TMCO5A: variants seen among roughly 807,000 people sequenced by gnomAD.
The protein encoded by TMCO5A is transmembrane and coiled-coil domain-containing protein 5A.
A neutral mutation model predicts 42.3 loss-of-function variants in TMCO5A; 34 were observed. The ratio of observed to expected loss-of-function variants is 0.80; its 90% CI spans 0.61 to 1.07. The LOEUF (loss-of-function observed/expected upper bound fraction) is 1.07, where lower values mean the gene tolerates loss of function less well. Among genes scored for constraint, TMCO5A ranks in the 50% least tolerant of loss-of-function variants. The probability of loss-of-function intolerance (pLI) is 0.00; values close to 1 mark genes in which losing one functional copy is unlikely to be tolerated. For missense variants in TMCO5A, 357 were observed against 327.9 expected (o/e 1.09, Z -0.69); for synonymous variants, 131 against 115.6 (o/e 1.13, Z -0.86).
rs112749447 is a variant in TMCO5A, at chr15:37,950,035, T to C, written c.669-1001T>C. On this transcript the variant is annotated intron_variant, in intron 11 of 11. Transcript: ENST00000319669. ...AGACCCTTCCATAAGGCCGCTTGAGTGTCCTCACAACATGACTGCTGTCTT... is the reference window on the plus strand; with the variant it reads ...AGACCCTTCCATAAGGCCGCTTGAGCGTCCTCACAACATGACTGCTGTCTT... Among the ~76,000 whole-genome samples the C allele has an allele frequency of 2.2e-3, 337 of 152,290 alleles. 1 individual carries two copies. The highest frequency in any genetic ancestry group is 7.5e-3 in the African/African-American group (310 of 41,582).
rs79838179 is a variant in TMCO5A, at chr15:37,941,806, C to A, written c.504+76C>A. The A allele has an allele frequency of 3.7e-3, 4,764 of 1,301,784 alleles. 142 individuals are homozygous for A. In the African/African-American group the frequency reaches 0.058, roughly 16 times the overall value. 80.6% of individuals were successfully genotyped at this position (1,301,784 alleles called of 1,614,324 possible). On this transcript the variant is annotated intron_variant, in intron 8 of 11. Transcript: ENST00000319669. Reference sequence around the variant, plus strand: ...GAAATAGAACAAGGATTTTCAAAGACTACTGTCCAGAGCAATTTCAACAGT... The same window carrying A: ...GAAATAGAACAAGGATTTTCAAAGAATACTGTCCAGAGCAATTTCAACAGT...
downstream of TMCO5A, among the ~76,000 whole-genome samples, chr15:37,952,496 A>G (rs945200641): frequency 3.9e-5 from 6 of 152,242 alleles, no homozygotes; most frequent in African/African-American, 1.4e-4. Flanking sequence ...TACTTTGAAG[A>G]GGACTCAGTC....
the TMCO5A span, among the ~76,000 whole-genome samples, chr15:37,996,671 A>G: frequency 1.3e-5 from 2 of 152,196 alleles, no homozygotes; most frequent in Non-Finnish European, 2.9e-5. Context: ...AGCACTCTCA[A>G]CTTTAGAAAG....
chr15:37,972,976 G>C, the TMCO5A span, among the ~76,000 whole-genome samples: 1 of 152,120 alleles, frequency 6.6e-6, no homozygotes, highest in Admixed American at 6.5e-5. Flanking sequence ...AAGGAGTTCA[G>C]TTTTAATCTT....
the TMCO5A span, among the ~76,000 whole-genome samples, chr15:38,012,126 A>AAAAAAAAAAAG: frequency 0.18 from 27,413 of 150,048 alleles, 2,733 homozygotes; most frequent in Middle Eastern, 0.3. Context: ...TCCGTCTCAA[A>AAAAAAAAAAAG]AAAAAAAGAA....
chr15:38,009,306 A>G, the TMCO5A span, among the ~76,000 whole-genome samples: 10 of 152,214 alleles, frequency 6.6e-5, no homozygotes, highest in African/African-American at 2.4e-4. Context: ...TGCTCAAAGC[A>G]ATCAGTTCCC....
At chr15:38,005,395 C>CAA in the TMCO5A span, among the ~76,000 whole-genome samples, 596 of 44,020 alleles carry the variant, frequency 0.014, 65 homozygotes, top group African/African-American at 0.047. Flanking sequence ...CCATCTCTAC[C>CAA]AAAAAAAAAA....
chr15:38,031,039 T>C, the TMCO5A span, among the ~76,000 whole-genome samples: 1 of 152,156 alleles, frequency 6.6e-6, no homozygotes. Flanking sequence ...TCACATCCAA[T>C]ACATATCCTG....
chr15:37,941,036 T>A (rs894799667), intron 6 of TMCO5A, 113 bp from the exon 7 acceptor site: 61 of 889,150 alleles, frequency 6.9e-5, no homozygotes, highest in Non-Finnish European at 9.2e-5. Context: ...AGGAGACGTG[T>A]GAAGTCATGG....
the TMCO5A span, among the ~76,000 whole-genome samples, chr15:38,016,240 A>G: frequency 8.6e-4 from 131 of 152,308 alleles, no homozygotes; most frequent in Middle Eastern, 0.02. Context: ...AATAAAGTCT[A>G]TTTTTTAATG....
chr15:37,949,107 T>A (rs1210392221), intron 11 of TMCO5A, among the ~76,000 whole-genome samples: 1 of 151,810 alleles, frequency 6.6e-6, no homozygotes, highest in Non-Finnish European at 1.5e-5. Context: ...ATGCAATTCA[T>A]ATTAAAGCCA....
the TMCO5A span, among the ~76,000 whole-genome samples, chr15:38,008,117 G>A: frequency 9.2e-5 from 14 of 151,516 alleles, no homozygotes; most frequent in South Asian, 4.2e-4. Context: ...GGATGGTCTC[G>A]ATCTCCTGAC....
chr15:38,012,478 C>A, the TMCO5A span, among the ~76,000 whole-genome samples: 15 of 152,048 alleles, frequency 9.9e-5, no homozygotes, highest in Admixed American at 3.9e-4. Context: ...GTTAAGGACA[C>A]AGTTGATGTT....
chr15:38,006,377 G>C, the TMCO5A span, among the ~76,000 whole-genome samples: 3 of 152,174 alleles, frequency 2.0e-5, no homozygotes, highest in Non-Finnish European at 4.4e-5. Context: ...GGGAGTTAGA[G>C]AAATGAGGTG....
chr15:38,005,850 C>A, the TMCO5A span, among the ~76,000 whole-genome samples: 1 of 152,336 alleles, frequency 6.6e-6, no homozygotes, highest in South Asian at 2.1e-4. Context: ...AGCAGGGATG[C>A]AGCCTTAAGT....
At chr15:37,958,884 G>GATACACTGGATAAAGAAAATGTGGCACAT (rs1890355702) in intron 11 of TMCO5A, among the ~76,000 whole-genome samples, 1 of 152,030 alleles carries the variant, frequency 6.6e-6, no homozygotes, top group Non-Finnish European at 1.5e-5. Context: ...GCTCATCAAT[G>GATACACTGGATAAAGAAAATGTGGCACAT]ATACACTGGA....
the TMCO5A span, among the ~76,000 whole-genome samples, chr15:38,011,598 C>T: frequency 6.6e-6 from 1 of 152,142 alleles, no homozygotes. Flanking sequence ...CACCTGCTGA[C>T]CTTTTTTTTG....
chr15:37,954,771 TAAATAG>T (rs1191249892), downstream of TMCO5A, among the ~76,000 whole-genome samples: 1 of 151,982 alleles, frequency 6.6e-6, no homozygotes, highest in Non-Finnish European at 1.5e-5. Context: ...TAATAAAATA[TAAATAG>T]AAACAACAAG....
the TMCO5A span, among the ~76,000 whole-genome samples, chr15:38,033,543 CTAT>C: frequency 1.3e-5 from 2 of 148,962 alleles, no homozygotes; most frequent in Non-Finnish European, 3.0e-5. Context: ...CAAAAAGGCA[CTAT>C]ATTTCTCCCT....
Sources: gnomAD v4.1 joint callset for allele counts (sites outside exome capture counted in the v4.1 genomes callset) on GRCh38, gnomAD v4.1.1 for gene constraint, MANE v1.5 for transcripts, NCBI Gene and HGNC (gene_info 2026-07-23, HGNC 2026-07-21) for gene names.